Variants in PTPRD observed in about 807,000 individuals in gnomAD.
PTPRD encodes the protein receptor-type tyrosine-protein phosphatase delta.
In PTPRD, 34 loss-of-function variants were observed where a neutral mutation model predicts 214.5. The ratio of observed to expected loss-of-function variants is 0.16; its 90% CI spans 0.12 to 0.21. PTPRD has a LOEUF of 0.21. Ranked by LOEUF, PTPRD falls within the 10% of genes least tolerant of loss-of-function variation. The pLI, the probability that PTPRD is intolerant of heterozygous loss-of-function variation, is 1.00. For missense variants in PTPRD, 2,545 were observed against 2,398.7 expected (o/e 1.06, Z -1.27); for synonymous variants, 1,128 against 845.7 (o/e 1.33, Z -5.79).
At chr9:9,051,767 T>C (rs953422048) in intron 10 of PTPRD, among the ~76,000 whole-genome samples, 1 of 152,186 alleles carries the variant, frequency 6.6e-6, no homozygotes, top group Non-Finnish European at 1.5e-5. Context: ...TAGGTTTTTA[T>C]TTCACCCAGT....
intron 14 of PTPRD, among the ~76,000 whole-genome samples, chr9:8,549,280 TG>T (rs2140610938): frequency 6.6e-6 from 1 of 152,282 alleles, no homozygotes; most frequent in Non-Finnish European, 1.5e-5. Context: ...TAAGAGTCAG[TG>T]TCAAGTTTCT....
intron 4 of PTPRD, among the ~76,000 whole-genome samples, chr9:9,979,454 G>C (rs923909966): frequency 6.6e-6 from 1 of 151,618 alleles, no homozygotes; most frequent in African/African-American, 2.4e-5. Context: ...GAGAATGAGA[G>C]GGAGACATTT....
At chr9:8,708,679 CAAAAAAAAAAAAA>C (rs765081509) in intron 12 of PTPRD, among the ~76,000 whole-genome samples, 8 of 39,396 alleles carry the variant, frequency 2.0e-4, no homozygotes, top group Non-Finnish European at 3.3e-4. Context: ...GACTCTGTCT[CAAAAAAAAAAAAA>C]AAAAAAAAAA....
chr9:10,570,836 T>C (rs1373688510), intron 2 of PTPRD, among the ~76,000 whole-genome samples: 2 of 152,038 alleles, frequency 1.3e-5, no homozygotes, highest in Non-Finnish European at 1.5e-5. Flanking sequence ...TCCTATGTCG[T>C]CAGTATTACT....
chr9:9,953,612 G>C (rs998203901), intron 4 of PTPRD, among the ~76,000 whole-genome samples: 1 of 151,936 alleles, frequency 6.6e-6, no homozygotes, highest in Non-Finnish European at 1.5e-5. Context: ...ACGTCATGTA[G>C]GATCTGGTAT....
intron 35 of PTPRD, among the ~76,000 whole-genome samples, chr9:8,425,216 C>T (rs1417577849): frequency 6.6e-6 from 1 of 152,178 alleles, no homozygotes; most frequent in East Asian, 1.9e-4. Flanking sequence ...CCAATCTCTT[C>T]TTGCAGCATT....
At chr9:10,139,327 A>T (rs1486334593) in intron 3 of PTPRD, among the ~76,000 whole-genome samples, 1 of 151,814 alleles carries the variant, frequency 6.6e-6, no homozygotes, top group Non-Finnish European at 1.5e-5. Context: ...TCAAGGAGAT[A>T]AAAAAAACTC....
intron 9 of PTPRD, among the ~76,000 whole-genome samples, chr9:9,352,327 A>G (rs11791987): frequency 0.23 from 15,374 of 68,056 alleles, 1,257 homozygotes; most frequent in East Asian, 0.57. Flanking sequence ...ATATATATAT[A>G]TGTGTGTGTG....
At chr9:10,015,562 A>G (rs2096689607) in intron 4 of PTPRD, among the ~76,000 whole-genome samples, 2 of 152,184 alleles carry the variant, frequency 1.3e-5, no homozygotes, top group Non-Finnish European at 2.9e-5. Flanking sequence ...TAGGATACTG[A>G]AGAAGTAGGA....
chr9:8,502,976 C>A (rs1388850392), intron 23 of PTPRD, among the ~76,000 whole-genome samples: 3 of 151,798 alleles, frequency 2.0e-5, no homozygotes, highest in Non-Finnish European at 4.4e-5. Flanking sequence ...TTATCTTCTA[C>A]AATACTATTT....
chr9:10,225,067 T>C (rs1033885031), intron 3 of PTPRD, among the ~76,000 whole-genome samples: 1 of 152,008 alleles, frequency 6.6e-6, no homozygotes, highest in Non-Finnish European at 1.5e-5. Flanking sequence ...TCAGCACTTC[T>C]AACCTCCACA....
chr9:9,018,054 A>T (rs892706768), intron 11 of PTPRD, among the ~76,000 whole-genome samples: 3 of 151,948 alleles, frequency 2.0e-5, no homozygotes, highest in Admixed American at 6.6e-5. Flanking sequence ...TTTTTTGAAG[A>T]TCTGTCGTCT....
chr9:8,564,852 T>C (rs968414404), intron 14 of PTPRD, among the ~76,000 whole-genome samples: 3 of 152,002 alleles, frequency 2.0e-5, no homozygotes, highest in Non-Finnish European at 4.4e-5. Flanking sequence ...TCTAAGAAAG[T>C]TTTTTTTAAA....
intron 11 of PTPRD, among the ~76,000 whole-genome samples, chr9:8,988,176 A>G (rs2099353020): frequency 6.6e-6 from 1 of 152,136 alleles, no homozygotes; most frequent in Non-Finnish European, 1.5e-5. Context: ...AATCAAAGAT[A>G]GTACCCACAC....
chr9:9,081,814 C>T (rs1169616771), intron 10 of PTPRD, among the ~76,000 whole-genome samples: 1 of 150,004 alleles, frequency 6.7e-6, no homozygotes, highest in African/African-American at 2.5e-5. Flanking sequence ...ACTAGGATTG[C>T]AACTCCTGCT....
chr9:8,861,756 T>C (rs958946779), intron 11 of PTPRD: 3 of 152,212 alleles, frequency 2.0e-5, no homozygotes, highest in Non-Finnish European at 2.9e-5. Flanking sequence ...CTGGGGTTTT[T>C]ATTAAATCCA....
Position 10,473,322 on chromosome 9 carries a change from C to T in PTPRD, c.-599-132305G>A, listed in dbSNP as rs2099043058. Among the ~76,000 whole-genome samples, 6 of 152,110 alleles carry T rather than the reference C, an allele frequency of 3.9e-5. No individual in the cohort carries two copies. In the South Asian group the frequency reaches 1.2e-3, roughly 31 times the overall value. ...CACATTCACATACCAAAAAGCACAT[C>T]TTCCCCTCAAAATCTGTGTAGTTGG... is the stretch of plus-strand genomic sequence containing the variant. On this transcript the variant is annotated intron_variant, in intron 2 of 45. Transcript: ENST00000381196.
chr9:8,496,769 T>C (rs1395435485), intron 26 of PTPRD, among the ~76,000 whole-genome samples: 1 of 152,222 alleles, frequency 6.6e-6, no homozygotes, highest in East Asian at 1.9e-4. Flanking sequence ...AATGCCTTCA[T>C]TTAAAGCAGG....
chr9:9,317,601 G>C (rs1019461794), intron 9 of PTPRD, among the ~76,000 whole-genome samples: 1 of 151,834 alleles, frequency 6.6e-6, no homozygotes, highest in East Asian at 1.9e-4. Context: ...CCTACTCCCA[G>C]TCCTGACTCT....
Sources: gnomAD v4.1 joint callset for allele counts (sites outside exome capture counted in the v4.1 genomes callset) on GRCh38, gnomAD v4.1.1 for gene constraint, MANE v1.5 for transcripts, NCBI Gene and HGNC (gene_info 2026-07-23, HGNC 2026-07-21) for gene names.